The following CPPED1 variants were observed in gnomAD, a reference collection of about 807,000 sequenced individuals.
CPPED1 encodes calcineurin like phosphoesterase domain containing 1.
CPPED1 carries 28 observed loss-of-function variants against 28.0 expected under a neutral mutation model. That is an observed-to-expected ratio of 1.00 (90% CI 0.74 to 1.37). CPPED1 has a LOEUF of 1.37. Among genes scored for constraint, CPPED1 ranks in the 40% most tolerant of loss-of-function variants. CPPED1 has a pLI of 0.00. For missense variants in CPPED1, 504 were observed against 416.5 expected (o/e 1.21, Z -1.83); for synonymous variants, 198 against 180.2 (o/e 1.10, Z -0.79).
chr16:12,726,671 T>C (rs1351409900), intron 2 of CPPED1, among the ~76,000 whole-genome samples: 2 of 151,688 alleles, frequency 1.3e-5, no homozygotes, highest in African/African-American at 4.8e-5. Flanking sequence ...TAGCCAGGTG[T>C]GGTGGGGCAT....
At chr16:12,701,467 G>A (rs991377681) in intron 3 of CPPED1, among the ~76,000 whole-genome samples, 8 of 152,280 alleles carry the variant, frequency 5.3e-5, no homozygotes, top group African/African-American at 1.9e-4. Context: ...TTGGGAGGTG[G>A]AGGAGGTGGT....
At chr16:12,735,985 G>A (rs11075150) in intron 2 of CPPED1, among the ~76,000 whole-genome samples, 120,500 of 152,106 alleles carry the variant, frequency 0.79, 47,826 homozygotes, top group Admixed American at 0.86. Context: ...CTTTAGTCCA[G>A]TGCATAAAGG....
At chr16:12,734,535 G>A (rs1050356060) in intron 2 of CPPED1, among the ~76,000 whole-genome samples, 2 of 152,120 alleles carry the variant, frequency 1.3e-5, no homozygotes, top group East Asian at 1.9e-4. Context: ...GCCAGCCACT[G>A]TCCCCGGCTA....
chr16:12,691,065 A>G (rs1176199473), intron 3 of CPPED1, among the ~76,000 whole-genome samples: 1 of 152,236 alleles, frequency 6.6e-6, no homozygotes, highest in Non-Finnish European at 1.5e-5. Context: ...GGCACCCAAC[A>G]GCAATGTCGT....
At chr16:12,721,358 G>A (rs2080139025) in intron 2 of CPPED1, among the ~76,000 whole-genome samples, 2 of 152,186 alleles carry the variant, frequency 1.3e-5, no homozygotes, top group South Asian at 4.1e-4. Flanking sequence ...TTATAAAACA[G>A]ACAGAACGAG....
chr16:12,723,253 C>G (rs772187155), intron 2 of CPPED1, among the ~76,000 whole-genome samples: 3 of 152,228 alleles, frequency 2.0e-5, no homozygotes, highest in Non-Finnish European at 2.9e-5. Flanking sequence ...TAGGCAATTA[C>G]AGGTGTGACT....
At chr16:12,688,525 G>A (rs56224603) in intron 3 of CPPED1, among the ~76,000 whole-genome samples, 8,088 of 152,106 alleles carry the variant, frequency 0.053, 276 homozygotes, top group Non-Finnish European at 0.081. Context: ...TTTTAGTAGA[G>A]ATGGAGTTTT....
At chr16:12,738,187 C>A (rs997830049) in intron 2 of CPPED1, among the ~76,000 whole-genome samples, 2 of 152,100 alleles carry the variant, frequency 1.3e-5, no homozygotes, top group South Asian at 2.1e-4. Flanking sequence ...CATTACGCAG[C>A]CGTTCACAAT....
chr16:12,694,250 G>A (rs1367525472), intron 3 of CPPED1, among the ~76,000 whole-genome samples: 1 of 152,098 alleles, frequency 6.6e-6, no homozygotes, highest in Non-Finnish European at 1.5e-5. Flanking sequence ...TAGTTGAAGA[G>A]CAATCTACAA....
chr16:12,789,894 C>A (rs953721240), intron 1 of CPPED1, among the ~76,000 whole-genome samples: 2 of 152,108 alleles, frequency 1.3e-5, no homozygotes, highest in South Asian at 4.1e-4. Flanking sequence ...GAAAAATTGA[C>A]CTTAGAAATC....
At chr16:12,770,388 A>G (rs1478538804) in intron 2 of CPPED1, among the ~76,000 whole-genome samples, 4 of 152,240 alleles carry the variant, frequency 2.6e-5, no homozygotes, top group African/African-American at 9.6e-5. Flanking sequence ...TTAACCAATT[A>G]TGAAATCCCC....
intron 3 of CPPED1, among the ~76,000 whole-genome samples, chr16:12,699,196 GGATGTGATGAAATT>G (rs1336204970): frequency 6.6e-6 from 1 of 152,140 alleles, no homozygotes; most frequent in Non-Finnish European, 1.5e-5. Flanking sequence ...TACATCCCTT[GGATGTGATGAAATT>G]GATTATCCTC....
At chr16:12,735,450 G>A (rs935152647) in intron 2 of CPPED1, among the ~76,000 whole-genome samples, 27 of 152,308 alleles carry the variant, frequency 1.8e-4, no homozygotes, top group African/African-American at 5.3e-4. Flanking sequence ...GATTACAGGC[G>A]CACATTACCG....
At chr16:12,778,261 TTTTC>T (rs937589087) in intron 2 of CPPED1, among the ~76,000 whole-genome samples, 14 of 145,748 alleles carry the variant, frequency 9.6e-5, no homozygotes, top group African/African-American at 2.0e-4. Flanking sequence ...TTCTTTTCTT[TTTTC>T]TTTCTTTCTT....
intron 3 of CPPED1, among the ~76,000 whole-genome samples, chr16:12,685,672 C>T (rs568555178): frequency 6.6e-6 from 1 of 152,208 alleles, no homozygotes; most frequent in East Asian, 1.9e-4. Context: ...TATCCACACC[C>T]TCCCTTTTCC....
chr16:12,802,970 G>C (rs963042724), intron 1 of CPPED1, among the ~76,000 whole-genome samples: 1 of 152,212 alleles, frequency 6.6e-6, no homozygotes. Flanking sequence ...GCTGCAGGCA[G>C]CAAAAAGCCA....
At chr16:12,745,500 GA>G (rs377124677) in intron 2 of CPPED1, among the ~76,000 whole-genome samples, 147 of 152,328 alleles carry the variant, frequency 9.7e-4, no homozygotes, top group African/African-American at 3.4e-3. Flanking sequence ...ATAAAAAAAG[GA>G]ACGAGATCAT....
At position 12,803,574 on chromosome 16, in the gene CPPED1, A is replaced by C. The variant is rs181134348; in HGVS notation, c.70+133T>G. The C allele has an allele frequency of 1.1e-5, 8 of 724,918 alleles. No individual in the cohort carries two copies. In the Admixed American group the frequency reaches 2.1e-4, roughly 19 times the overall value. 44.9% of individuals were successfully genotyped at this position (724,918 alleles called of 1,614,324 possible). The stretch of plus-strand genomic sequence containing the variant: ...CCTAAGAGCAGGCTTTGATGCAGCT[A>C]TGGCGGCTCCCAGGCCCCGGTGCAG... On this transcript the variant is annotated intron_variant, in intron 1 of 3. Transcript: ENST00000381774.
intron 2 of CPPED1, among the ~76,000 whole-genome samples, chr16:12,740,767 G>A (rs1240080868): frequency 6.6e-6 from 1 of 152,224 alleles, no homozygotes; most frequent in African/African-American, 2.4e-5. Flanking sequence ...GTGAACAGCA[G>A]GTGCAAGGCC....
Sources: gnomAD v4.1 joint callset for allele counts (sites outside exome capture counted in the v4.1 genomes callset) on GRCh38, gnomAD v4.1.1 for gene constraint, MANE v1.5 for transcripts, NCBI Gene and HGNC (gene_info 2026-07-23, HGNC 2026-07-21) for gene names.